Variants in TTC34 observed in about 807,000 individuals in gnomAD.
TTC34 encodes the protein tetratricopeptide repeat domain 34, also known as tetratricopeptide repeat protein 34.
Under a neutral mutation model 40.7 loss-of-function variants are expected in TTC34, and 44 were observed. The observed-to-expected ratio is 1.08, with a 90% CI of 0.85 to 1.39. The LOEUF is 1.39. Ranked by LOEUF, TTC34 falls within the 40% of genes most tolerant of loss-of-function variation. TTC34 has a pLI of 0.00. For synonymous variants in TTC34, 422 were observed against 398.6 expected (o/e 1.06, Z -0.70); for missense variants, 884 against 838.0 (o/e 1.05, Z -0.68).
chr1:2,649,710 G>A (rs752216382), intron 6 of TTC34, among the ~76,000 whole-genome samples: 1 of 152,132 alleles, frequency 6.6e-6, no homozygotes, highest in East Asian at 1.9e-4. Context: ...TAGTAGAGAC[G>A]GGGTTTCACC....
chr1:2,688,272 T>G (rs1236397952), intron 6 of TTC34, among the ~76,000 whole-genome samples: 16 of 136,892 alleles, frequency 1.2e-4, no homozygotes, highest in East Asian at 1.2e-3. Context: ...TGTGACAGCC[T>G]GGATCAGCAC....
At chr1:2,759,616 C>CTAG (rs1641624967) in intron 6 of TTC34, among the ~76,000 whole-genome samples, 3 of 145,854 alleles carry the variant, frequency 2.1e-5, no homozygotes, top group Non-Finnish European at 3.0e-5. Context: ...CGAGCATCCG[C>CTAG]CAGCCTGGAA....
At chr1:2,767,834 G>T (rs1268575219) in intron 6 of TTC34, among the ~76,000 whole-genome samples, 1 of 142,776 alleles carries the variant, frequency 7.0e-6, no homozygotes, top group African/African-American at 2.6e-5. Context: ...ACAGCCTGGA[G>T]CAGCACCCAC....
At chr1:2,653,590 C>T (rs1193353268) in intron 6 of TTC34, among the ~76,000 whole-genome samples, 3 of 131,020 alleles carry the variant, frequency 2.3e-5, no homozygotes, top group South Asian at 2.8e-4. Context: ...CATCTGACAT[C>T]GTGGAGCAGC....
chr1:2,751,411 A>T (rs1641314882), intron 6 of TTC34, among the ~76,000 whole-genome samples: 1 of 138,890 alleles, frequency 7.2e-6, no homozygotes, highest in Admixed American at 7.3e-5. Context: ...CCACACACAC[A>T]GGTGGGCATC....
chr1:2,694,084 GAC>G (rs1557623598), intron 6 of TTC34, among the ~76,000 whole-genome samples: 4 of 149,340 alleles, frequency 2.7e-5, no homozygotes, highest in Non-Finnish European at 6.0e-5. Context: ...GTGAGCATCT[GAC>G]AGCCTGGAAC....
At chr1:2,799,866 C>T (rs2100638832) in intron 2 of TTC34, among the ~76,000 whole-genome samples, 178 bp downstream of exon 2, 1 of 152,330 alleles carries the variant, frequency 6.6e-6, no homozygotes, top group Non-Finnish European at 1.5e-5. Flanking sequence ...TTTCTTAAAG[C>T]ATGCATTTTG....
At chr1:2,777,298 G>A (rs1643247407) in intron 6 of TTC34, among the ~76,000 whole-genome samples, 1 of 130,838 alleles carries the variant, frequency 7.6e-6, no homozygotes, top group African/African-American at 3.0e-5. Context: ...CACACCTCCA[G>A]GGGAGCATCT....
intron 6 of TTC34, among the ~76,000 whole-genome samples, chr1:2,676,869 G>GAC (rs1639921317): frequency 2.8e-5 from 1 of 35,196 alleles, no homozygotes; most frequent in East Asian, 1.1e-3. Flanking sequence ...ATCTGACATC[G>GAC]TGGAGCCGCA....
rs376250921 is a variant in TTC34, at chr1:2,645,243, G to A, written c.2497+50C>T. ...AACAGGATACAGAGGTCAGAGGAGC[G>A]GGGACAGAAGCCCAGACCCCGTGTT... On this transcript the variant is annotated intron_variant, in intron 7 of 8. Coordinates refer to ENST00000401095, the Ensembl canonical transcript of TTC34. The surrounding 1 kb of genome is among the most constrained non-coding windows in gnomAD (Gnocchi z 4.7). 41 of 1,431,156 alleles carry A rather than the reference G, an allele frequency of 2.9e-5. No homozygotes were observed. In the East Asian group the frequency reaches 8.4e-4, roughly 29 times the overall value. 88.7% of individuals were successfully genotyped at this position (1,431,156 alleles called of 1,614,324 possible). A position where few individuals can be genotyped will look rare whatever the true frequency, so the allele number is the denominator to read the frequency against.
intron 6 of TTC34, among the ~76,000 whole-genome samples, chr1:2,647,108 G>A (rs1194547583): frequency 1.3e-5 from 2 of 151,808 alleles, no homozygotes; most frequent in African/African-American, 4.8e-5. Context: ...TCAGGAACTT[G>A]ACCAAGATGT....
At chr1:2,759,681 C>T (rs1457141682) in intron 6 of TTC34, among the ~76,000 whole-genome samples, 433 of 101,948 alleles carry the variant, frequency 4.2e-3, no homozygotes, top group African/African-American at 8.7e-3. Flanking sequence ...ACCAACAACC[C>T]CAGGCTTGCA....
chr1:2,674,883 A>ACC (rs1639838454), intron 6 of TTC34, among the ~76,000 whole-genome samples: 3 of 91,524 alleles, frequency 3.3e-5, no homozygotes, highest in Non-Finnish European at 7.8e-5. Context: ...GCCCACAGCC[A>ACC]CAGGCGAGCA....
In TTC34 at chr1:2,796,484, C is replaced by A. The variant is rs1018436065; in HGVS notation, c.784+3560G>T. Among the ~76,000 whole-genome samples, 1 of 152,160 alleles carries A rather than the reference C, an allele frequency of 6.6e-6. No homozygotes were observed. The highest frequency in any genetic ancestry group is 1.5e-5 in the Non-Finnish European group (1 of 68,034). ...CAGGTGTTCCCTGTACACACCAGAG[C>A]CACGGCAGACACAGACGAGCTTCCG... On this transcript the variant is annotated intron_variant, in intron 2 of 8. Coordinates refer to ENST00000401095, the Ensembl canonical transcript of TTC34. The surrounding 1 kb of genome is among the most constrained non-coding windows in gnomAD (Gnocchi z 4.5).
intron 6 of TTC34, among the ~76,000 whole-genome samples, chr1:2,682,045 ATTG>A (rs1557604878): frequency 6.4e-5 from 6 of 93,154 alleles, no homozygotes; most frequent in African/African-American, 2.6e-4. Context: ...AGCATCTGAC[ATTG>A]TGGAGCAGCA....
chr1:2,652,917 G>C (rs1453680028), intron 6 of TTC34, among the ~76,000 whole-genome samples: 4 of 151,990 alleles, frequency 2.6e-5, no homozygotes, highest in African/African-American at 9.7e-5. Context: ...GTCTGGAGCA[G>C]CGCCCACACC....
intron 6 of TTC34, among the ~76,000 whole-genome samples, chr1:2,675,181 T>G (rs1232199135): frequency 1.9e-3 from 140 of 74,978 alleles, no homozygotes; most frequent in Non-Finnish European, 2.8e-3. Flanking sequence ...GCATCTGACA[T>G]CCTGGAGCAG....
chr1:2,654,064 C>G (rs1227191654), intron 6 of TTC34, among the ~76,000 whole-genome samples: 1,082 of 110,466 alleles, frequency 9.8e-3, no homozygotes, highest in Middle Eastern at 0.053. Context: ...AGGTGAGCAT[C>G]TGACAGCGTG....
chr1:2,686,620 C>A (rs566905729), intron 6 of TTC34, among the ~76,000 whole-genome samples: 1 of 148,220 alleles, frequency 6.7e-6, no homozygotes, highest in Admixed American at 6.7e-5. Context: ...GAGCATCTGA[C>A]AGCATGTAAC....
Sources: allele counts gnomAD v4.1 joint callset (sites outside exome capture counted in the v4.1 genomes callset), GRCh38; gene constraint gnomAD v4.1.1; non-coding constraint Gnocchi (gnomAD v3.1); transcripts MANE v1.5; gene names NCBI Gene and HGNC (gene_info 2026-07-23, HGNC 2026-07-21).